SENP1: variants seen among roughly 807,000 people sequenced by gnomAD.
SENP1 encodes the protein sentrin-specific protease 1.
In SENP1, 21 loss-of-function variants were observed where a neutral mutation model predicts 93.0. That is an observed-to-expected ratio of 0.23 (90% CI 0.16 to 0.33). The LOEUF is 0.33. Among genes scored for constraint, SENP1 ranks in the 10% least tolerant of loss-of-function variants. SENP1 has a pLI of 1.00. For missense variants in SENP1, 591 were observed against 758.7 expected (o/e 0.78, Z 2.60); for synonymous variants, 256 against 259.6 (o/e 0.99, Z 0.13).
At chr12:48,061,140 T>A (rs910713026) in intron 13 of SENP1, among the ~76,000 whole-genome samples, 2 of 152,214 alleles carry the variant, frequency 1.3e-5, no homozygotes, top group Non-Finnish European at 2.9e-5. Context: ...CCTTATAAAC[T>A]GAATCTGATT....
intron 6 of SENP1, among the ~76,000 whole-genome samples, chr12:48,082,839 T>C (rs1449027179): frequency 6.6e-6 from 1 of 152,252 alleles, no homozygotes. Flanking sequence ...TAACTAGCTT[T>C]TTGATTTTTC....
chr12:48,099,566 A>G (rs1369051362), intron 2 of SENP1, among the ~76,000 whole-genome samples: 3 of 152,160 alleles, frequency 2.0e-5, no homozygotes, highest in Non-Finnish European at 4.4e-5. Flanking sequence ...CTGTAATCCC[A>G]GCACTCTGGG....
intron 5 of SENP1, among the ~76,000 whole-genome samples, chr12:48,084,399 T>C (rs572925772): frequency 6.6e-6 from 1 of 152,048 alleles, no homozygotes; most frequent in South Asian, 2.1e-4. Flanking sequence ...AAGAAGAATA[T>C]TGTGAACTCA....
intron 9 of SENP1, 56 bp from the exon 10 acceptor site, chr12:48,067,021 A>G: frequency 8.6e-7 from 1 of 1,157,958 alleles, no homozygotes; most frequent in Non-Finnish European, 1.3e-6. Flanking sequence ...TGAGAAAATT[A>G]AAATATTTTC....
chr12:48,046,482 C>A (rs1941374121), intron 16 of SENP1, 31 bp from the exon 17 acceptor site: 1 of 1,380,022 alleles, frequency 7.2e-7, no homozygotes, highest in Non-Finnish European at 1.0e-6. Context: ...AAAATGACAT[C>A]TTTCCAAGCT....
intron 4 of SENP1, 118 bp downstream of exon 4, chr12:48,096,225 G>GA: frequency 1.7e-6 from 1 of 590,424 alleles, no homozygotes; most frequent in Non-Finnish European, 3.0e-6. Flanking sequence ...TTTTAGTGAA[G>GA]AAAATACCAT....
chr12:48,062,950 A>C (rs1943056038), intron 13 of SENP1, among the ~76,000 whole-genome samples: 2 of 152,212 alleles, frequency 1.3e-5, no homozygotes, highest in African/African-American at 4.8e-5. Context: ...AATCCTCCAC[A>C]GCTGTGAAGC....
intron 5 of SENP1, among the ~76,000 whole-genome samples, chr12:48,088,256 T>C (rs1166124699): frequency 6.6e-6 from 1 of 152,172 alleles, no homozygotes; most frequent in East Asian, 1.9e-4. Context: ...GGTTTCACCA[T>C]GTTGGCCAGG....
At chr12:48,055,034 A>G in intron 13 of SENP1, 1 of 219,962 alleles carries the variant, frequency 4.5e-6, no homozygotes, top group Non-Finnish European at 9.6e-6. Context: ...CAAAGAATCC[A>G]TGCCTAAATC....
In SENP1 at chr12:48,073,552, T is replaced by C. The variant is rs1354473758; in HGVS notation, c.940+772A>G. On this transcript the variant is annotated intron_variant, in intron 8 of 17. Coordinates refer to ENST00000549518, the MANE Select transcript of SENP1 (RefSeq NM_001267594.2). The stretch of plus-strand genomic sequence containing the variant: ...GCATACCTAAGTACATACCATAAAT[T>C]GATACATAATACATACCTAAAGAAG... Among the ~76,000 whole-genome samples the C allele has an allele frequency of 2.0e-5, 3 of 152,294 alleles. No homozygotes were observed. The East Asian group carries it at 5.8e-4, about 29-fold the overall frequency.
At chr12:48,099,030 A>T (rs1179121705) in intron 2 of SENP1, 1 of 152,144 alleles carries the variant, frequency 6.6e-6, no homozygotes, top group African/African-American at 2.4e-5. Flanking sequence ...TAAAGCTTTA[A>T]AAATAACGAG....
chr12:48,060,092 C>T (rs926292457), intron 13 of SENP1, among the ~76,000 whole-genome samples: 1 of 152,168 alleles, frequency 6.6e-6, no homozygotes, highest in African/African-American at 2.4e-5. Context: ...ACACCCCACC[C>T]TAGAAAGCTG....
At chr12:48,079,443 G>A (rs1944359877) in intron 6 of SENP1, among the ~76,000 whole-genome samples, 2 of 152,144 alleles carry the variant, frequency 1.3e-5, no homozygotes, top group African/African-American at 4.8e-5. Context: ...AGGTTGCAGT[G>A]AGCCGAGATC....
intron 1 of SENP1, chr12:48,105,361 C>T: frequency 1.9e-6 from 1 of 518,870 alleles, no homozygotes; most frequent in Non-Finnish European, 3.8e-6. Context: ...CCAGAGATCA[C>T]GTTAGGGTAC....
intron 13 of SENP1, among the ~76,000 whole-genome samples, chr12:48,056,191 A>C (rs1383702209): frequency 7.9e-4 from 52 of 66,148 alleles, no homozygotes; most frequent in Non-Finnish European, 1.2e-3. Flanking sequence ...ATTATTTAAT[A>C]TATAGTATAT....
chr12:48,074,902 C>A, intron 6 of SENP1, 109 bp from the exon 7 acceptor site: 4 of 718,952 alleles, frequency 5.6e-6, no homozygotes, highest in Non-Finnish European at 9.2e-6. Flanking sequence ...CAGGCAGAAT[C>A]CTTAAGATAA....
intron 2 of SENP1, 99 bp downstream of exon 2, chr12:48,101,370 C>G (rs1803418556): frequency 3.3e-6 from 3 of 908,644 alleles, no homozygotes; most frequent in Non-Finnish European, 5.1e-6. Flanking sequence ...TTATTAAGCA[C>G]AAAGATACAA....
intron 13 of SENP1, among the ~76,000 whole-genome samples, chr12:48,053,654 C>T (rs112610494): frequency 0.019 from 2,953 of 152,212 alleles, 75 homozygotes; most frequent in African/African-American, 0.048. Context: ...TATTGTGATG[C>T]TGAATAGCTG....
chr12:48,097,840 T>G (rs781368190), intron 3 of SENP1, 154 bp downstream of exon 3: 2 of 629,322 alleles, frequency 3.2e-6, no homozygotes, highest in Non-Finnish European at 5.2e-6. Context: ...TTAATTTTAA[T>G]ATATAGAGCA....
Sources: gnomAD v4.1 joint callset for allele counts (sites outside exome capture counted in the v4.1 genomes callset) on GRCh38, gnomAD v4.1.1 for gene constraint, MANE v1.5 for transcripts, NCBI Gene and HGNC (gene_info 2026-07-23, HGNC 2026-07-21) for gene names.